The following ASAH2 variants were observed in gnomAD, a reference collection of about 807,000 sequenced individuals.
The protein encoded by ASAH2 is N-acylsphingosine amidohydrolase 2, also known as neutral ceramidase.
A neutral mutation model predicts 82.9 loss-of-function variants in ASAH2; 58 were observed. That is an observed-to-expected ratio of 0.70 (90% CI 0.57 to 0.87). The LOEUF is 0.87. Among genes scored for constraint, ASAH2 ranks in the 40% least tolerant of loss-of-function variants. The pLI is 0.00. For synonymous variants in ASAH2, 276 were observed against 289.7 expected, an observed-to-expected ratio of 0.95 and a Z score of 0.48; for missense variants, 779 against 834.0, an observed-to-expected ratio of 0.93 and a Z score of 0.81.
At chr10:50,221,697 T>TA (rs1377861798) in intron 7 of ASAH2, among the ~76,000 whole-genome samples, 49 of 100,870 alleles carry the variant, frequency 4.9e-4, no homozygotes, top group African/African-American at 1.3e-3. Context: ...GATAGATGGA[T>TA]GGATAGATAG....
intron 10 of ASAH2, among the ~76,000 whole-genome samples, chr10:50,212,017 T>C (rs1845465774): frequency 6.6e-6 from 1 of 152,170 alleles, no homozygotes; most frequent in African/African-American, 2.4e-5. Context: ...ATAGAATCTG[T>C]GAATTTAGAA....
In ASAH2 at chr10:50,185,098, C is replaced by CT. The variant is rs1224554599; in HGVS notation, c.*2216dup. On this transcript the variant is annotated 3_prime_UTR_variant, in exon 21 of 21. Coordinates refer to ENST00000682911, the MANE Select transcript of ASAH2 (RefSeq NM_019893.4). ...TACCTACCCAATCTGCCATATTCCA[C>CT]TTTTTCCACCAATTTCAGGAGTTTC... 6.6e-6 allele frequency: 1 copy of CT among 151,098 alleles called. No individual in the cohort carries two copies. Among genetic ancestry groups the CT allele is most frequent in the African/African-American group, 2.4e-5 (1 of 40,866 alleles). 9.4% of individuals were successfully genotyped at this position (151,098 alleles called of 1,614,324 possible).
intron 4 of ASAH2, chr10:50,240,500 A>G: frequency 1.4e-6 from 1 of 702,240 alleles, no homozygotes; most frequent in Non-Finnish European, 2.6e-6. Context: ...CCTAAAACAA[A>G]ATGGTGTTTA....
In ASAH2 at chr10:50,243,244, G is replaced by A. The variant is rs765287328; in HGVS notation, c.468C>T (p.Val156=). 2.5e-6 allele frequency: 4 copies of A among 1,613,968 alleles called. No individual in the cohort carries two copies. Among genetic ancestry groups the A allele is most frequent in the Admixed American group, 1.7e-5 (1 of 59,996 alleles). ...EPDGSNRTVF[V]SIDIGMVSQR... is the part of the protein sequence containing the mutation. Reference sequence around the variant, plus strand: ...GTGATACCATGCCTATGTCGATGCTGACAAACACTGTTCGATTGGACCCAT... The same window carrying A: ...GTGATACCATGCCTATGTCGATGCTAACAAACACTGTTCGATTGGACCCAT... The change falls in exon 4 of 21, where the codon GTC becomes GTT. Residue 156 remains valine, a synonymous_variant. Coordinates refer to ENST00000682911, the MANE Select transcript of ASAH2 (RefSeq NM_019893.4).
intron 2 of ASAH2, among the ~76,000 whole-genome samples, chr10:50,247,163 T>A (rs958703588): frequency 7.2e-5 from 11 of 152,166 alleles, no homozygotes; most frequent in African/African-American, 2.6e-4. Context: ...ATTTTTCTTT[T>A]TTTTTTTTAA....
intron 7 of ASAH2, among the ~76,000 whole-genome samples, chr10:50,224,997 A>T (rs1845841631): frequency 6.6e-6 from 1 of 152,208 alleles, no homozygotes; most frequent in Non-Finnish European, 1.5e-5. Flanking sequence ...TGGGACAAGC[A>T]TCCTGCAGAA....
intron 17 of ASAH2, chr10:50,198,290 T>C (rs1845044744): frequency 6.6e-6 from 1 of 152,004 alleles, no homozygotes; most frequent in Non-Finnish European, 1.5e-5. Flanking sequence ...TTATCTTGTT[T>C]GTTGACTAAC....
intron 16 of ASAH2, 133 bp downstream of exon 16, chr10:50,202,696 T>C: frequency 1.4e-6 from 1 of 730,070 alleles, no homozygotes; most frequent in Admixed American, 2.0e-5. Context: ...TATCATCCTC[T>C]TACCTGTTAT....
intron 8 of ASAH2, among the ~76,000 whole-genome samples, chr10:50,215,936 A>G (rs1845584041): frequency 6.6e-6 from 1 of 152,226 alleles, no homozygotes; most frequent in South Asian, 2.1e-4. Context: ...GATAGACTGG[A>G]TAAAGAAAAT....
chr10:50,234,657 T>G (rs1007882396), intron 5 of ASAH2, 105 bp from the exon 6 acceptor site: 9 of 1,476,684 alleles, frequency 6.1e-6, no homozygotes, highest in Non-Finnish European at 8.5e-6. Flanking sequence ...TTCCTTTGTC[T>G]CTAATGGGTC....
intron 2 of ASAH2, among the ~76,000 whole-genome samples, chr10:50,246,714 C>G (rs1846467170): frequency 3.9e-5 from 6 of 152,178 alleles, no homozygotes; most frequent in Admixed American, 3.9e-4. Context: ...ATCTGATGCT[C>G]TTTCGACCAA....
chr10:50,245,438 A>T lies in ASAH2; in HGVS notation c.144T>A (p.Phe48Leu), dbSNP rs192860010. 6.2e-7 allele frequency: 1 copy of T among 1,613,402 alleles called. No individual in the cohort carries two copies. The highest frequency in any genetic ancestry group is 2.2e-5 in the East Asian group (1 of 44,878). ...IENHKDLGGH[F>L]FSTTQSPPAT... is the part of the protein sequence containing the mutation. ...CTGGAGGGCTTTGGGTGGTTGAAAA[A>T]AAATGGCCTCCTAAATCTAAAACAG... is the stretch of plus-strand genomic sequence containing the variant. The change falls in exon 3 of 21, where the codon TTT becomes TTA. Residue 48 changes from phenylalanine (F) to leucine (L), a missense_variant. Around this residue, in one of 3 missense-constraint regions of ASAH2, gnomAD observed 759 missense variants for 755.2 expected, o/e 1.00. Transcript: ENST00000682911.
chr10:50,215,011 T>C, intron 8 of ASAH2, 143 bp from the exon 9 acceptor site: 1 of 1,075,808 alleles, frequency 9.3e-7, no homozygotes, highest in Non-Finnish European at 1.3e-6. Flanking sequence ...AAATATTCTG[T>C]AGGTTGCCTG....
chr10:50,236,146 A>C (rs908324157), intron 4 of ASAH2, 82 bp from the exon 5 acceptor site: 18 of 1,174,670 alleles, frequency 1.5e-5, no homozygotes, highest in Admixed American at 1.2e-4. Flanking sequence ...GAGTTCAATC[A>C]CTGATCCATA....
intron 7 of ASAH2, among the ~76,000 whole-genome samples, chr10:50,231,859 C>A (rs1846029157): frequency 6.6e-6 from 1 of 152,084 alleles, no homozygotes; most frequent in African/African-American, 2.4e-5. Context: ...TTTTCTATTC[C>A]TTTTTAGCTA....
At chr10:50,197,809 G>C (rs1460942930) in intron 17 of ASAH2, among the ~76,000 whole-genome samples, 9 of 151,734 alleles carry the variant, frequency 5.9e-5, no homozygotes, top group Non-Finnish European at 1.3e-4. Context: ...TTCTTGGGAA[G>C]AACTATAGAC....
At chr10:50,198,909 T>C (rs1589321808) in intron 17 of ASAH2, 142 bp downstream of exon 17, 2 of 878,510 alleles carry the variant, frequency 2.3e-6, no homozygotes, top group Admixed American at 1.9e-5. Flanking sequence ...AATATAAAGG[T>C]TGTCAAACTG....
chr10:50,251,219 A>G (rs10508922), intron 1 of ASAH2, among the ~76,000 whole-genome samples, 176 bp downstream of exon 1: 7,961 of 152,300 alleles, frequency 0.052, 318 homozygotes, highest in South Asian at 0.14. Context: ...CCACATCTTC[A>G]CATAACGGGG....
At chr10:50,234,107 A>C (rs1001476372) in intron 6 of ASAH2, among the ~76,000 whole-genome samples, 3 of 152,068 alleles carry the variant, frequency 2.0e-5, no homozygotes, top group Non-Finnish European at 4.4e-5. Context: ...TAAATCACTA[A>C]AGGTCACATT....
Sources: gnomAD v4.1 joint callset for allele counts (sites outside exome capture counted in the v4.1 genomes callset) on GRCh38, gnomAD v4.1.1 for gene constraint, gnomAD v4.1.1 regional missense constraint, MANE v1.5 for transcripts, NCBI Gene and HGNC (gene_info 2026-07-23, HGNC 2026-07-21) for gene names.